Variants in HACD3 observed in about 807,000 individuals in gnomAD.
The protein encoded by HACD3 is 3-hydroxyacyl-CoA dehydratase 3.
Under a neutral mutation model 55.2 loss-of-function variants are expected in HACD3, and 30 were observed. The ratio of observed to expected loss-of-function variants is 0.54; its 90% confidence interval spans 0.41 to 0.74. HACD3 has a LOEUF of 0.74. Among genes scored for constraint, HACD3 ranks in the 30% least tolerant of loss-of-function variants. The pLI, the probability that HACD3 is intolerant of heterozygous loss-of-function variation, is 0.00. For synonymous variants in HACD3, 141 were observed against 151.7 expected, an observed-to-expected ratio of 0.93 and a Z score of 0.52; for missense variants, 363 against 440.1, an observed-to-expected ratio of 0.82 and a Z score of 1.57.
At chr15:65,540,938 A>G (rs964862208) in intron 1 of HACD3, among the ~76,000 whole-genome samples, 2 of 152,180 alleles carry the variant, frequency 1.3e-5, no homozygotes, top group African/African-American at 4.8e-5. Context: ...CATTTGAGAT[A>G]TATCTGAAGA....
intron 7 of HACD3, among the ~76,000 whole-genome samples, chr15:65,568,393 C>G (rs764301786): frequency 1.3e-5 from 2 of 151,308 alleles, no homozygotes; most frequent in African/African-American, 2.4e-5. Flanking sequence ...TGGTGTTTCA[C>G]TGTCACCCAG....
chr15:65,556,564 A>G (rs991434918), intron 3 of HACD3, among the ~76,000 whole-genome samples, 175 bp from the exon 4 acceptor site: 13 of 152,130 alleles, frequency 8.5e-5, no homozygotes, highest in Admixed American at 8.5e-4. Context: ...GTATCAGTCC[A>G]TGGCCCAGGA....
At chr15:65,570,015 G>C (rs1368017045) in intron 7 of HACD3, 76 bp from the exon 8 acceptor site, 19 of 979,146 alleles carry the variant, frequency 1.9e-5, no homozygotes, top group African/African-American at 3.3e-5. Flanking sequence ...AGTGGGGTTA[G>C]ATTTCAGATA....
intron 1 of HACD3, among the ~76,000 whole-genome samples, chr15:65,533,376 C>A (rs530739619): frequency 6.6e-6 from 1 of 152,270 alleles, no homozygotes; most frequent in East Asian, 1.9e-4. Flanking sequence ...CTGAATAAAT[C>A]TTACCTGTAG....
intron 10 of HACD3, chr15:65,574,578 T>C (rs77174153): frequency 6.6e-6 from 1 of 152,364 alleles, no homozygotes; most frequent in Non-Finnish European, 1.5e-5. Context: ...GAAAGCCCAG[T>C]GGTCTTGGTC....
At chr15:65,572,993 C>T (rs2072365232) in intron 10 of HACD3, among the ~76,000 whole-genome samples, 1 of 148,304 alleles carries the variant, frequency 6.7e-6, no homozygotes, top group African/African-American at 2.5e-5. Flanking sequence ...GACTAAGAAG[C>T]TCCCACTTTT....
At chr15:65,549,139 G>A (rs2072106068) in intron 1 of HACD3, among the ~76,000 whole-genome samples, 1 of 152,190 alleles carries the variant, frequency 6.6e-6, no homozygotes, top group Non-Finnish European at 1.5e-5. Flanking sequence ...GAATAAAAAT[G>A]TCTTAAAAAC....
At chr15:65,539,560 C>T (rs1163955908) in intron 1 of HACD3, among the ~76,000 whole-genome samples, 1 of 151,996 alleles carries the variant, frequency 6.6e-6, no homozygotes, top group Admixed American at 6.6e-5. Context: ...CTAATTGGTA[C>T]AATTGATTTG....
At chr15:65,557,002 A>G (rs1377913078) in intron 4 of HACD3, 99 bp downstream of exon 4, 19 of 1,153,226 alleles carry the variant, frequency 1.6e-5, no homozygotes, top group African/African-American at 1.6e-5. Flanking sequence ...AAGAATAGCT[A>G]CAAAGTTACA....
chr15:65,549,523 C>T (rs1596209371), intron 1 of HACD3, among the ~76,000 whole-genome samples: 2 of 146,288 alleles, frequency 1.4e-5, no homozygotes, highest in South Asian at 2.2e-4. Flanking sequence ...TCGCTTGAGC[C>T]TGGGAGGTGG....
chr15:65,568,659 A>C (rs75902527), intron 7 of HACD3, among the ~76,000 whole-genome samples: 1 of 152,004 alleles, frequency 6.6e-6, no homozygotes, highest in Non-Finnish European at 1.5e-5. Flanking sequence ...GCACCCAGCC[A>C]TTATGTGTAT....
intron 5 of HACD3, among the ~76,000 whole-genome samples, chr15:65,561,797 C>T (rs894023540): frequency 6.6e-6 from 1 of 152,158 alleles, no homozygotes; most frequent in African/African-American, 2.4e-5. Context: ...GTCCCCAAGA[C>T]ACACCCCTGC....
At chr15:65,552,011 A>C (rs1367705994) in intron 2 of HACD3, 2 of 309,856 alleles carry the variant, frequency 6.5e-6, no homozygotes, top group African/African-American at 4.4e-5. Flanking sequence ...TTCTGCCGCT[A>C]TCTTGGACAA....
At chr15:65,542,797 C>T (rs1182498328) in intron 1 of HACD3, among the ~76,000 whole-genome samples, 2 of 151,944 alleles carry the variant, frequency 1.3e-5, no homozygotes, top group Non-Finnish European at 2.9e-5. Context: ...AAAAACAGGC[C>T]GGGCTTGGTG....
At chr15:65,543,144 T>C (rs536162927) in intron 1 of HACD3, among the ~76,000 whole-genome samples, 1 of 151,638 alleles carries the variant, frequency 6.6e-6, no homozygotes. Flanking sequence ...CCTAACTGTG[T>C]ATCAAATTGA....
chr15:65,549,990 T>C (rs2072116707), intron 1 of HACD3, among the ~76,000 whole-genome samples: 1 of 152,220 alleles, frequency 6.6e-6, no homozygotes, highest in East Asian at 1.9e-4. Context: ...TATGCTGATA[T>C]CACACAAAAT....
intron 2 of HACD3, among the ~76,000 whole-genome samples, chr15:65,554,297 G>A (rs1258940258): frequency 6.6e-6 from 1 of 152,134 alleles, no homozygotes; most frequent in Non-Finnish European, 1.5e-5. Flanking sequence ...TATCATCAGG[G>A]TCACAGTGGA....
At position 65,572,305 on chromosome 15, in the gene HACD3, A is replaced by C; in HGVS notation, c.951A>C (p.Pro317=). The stretch of plus-strand genomic sequence containing the variant: ...GATTCAGTTTCACATTGCCATATCC[A>C]GTGAAAATCAAAGTTAGATTTTCCT... ...TGRFSFTLPY[P]VKIKVRFSFF... The change falls in exon 10 of 11, where the codon CCA becomes CCC. Residue 317 remains proline, a synonymous_variant. Transcript: ENST00000261875. The C allele has an allele frequency of 6.2e-7, 1 of 1,613,358 alleles. No individual in the cohort carries two copies. Among genetic ancestry groups the C allele is most frequent in the South Asian group, 1.1e-5 (1 of 90,820 alleles).
At chr15:65,535,698 C>CTT (rs746107738) in intron 1 of HACD3, 650 of 414,168 alleles carry the variant, frequency 1.6e-3, no homozygotes, top group South Asian at 7.6e-3. Flanking sequence ...TTGATGTTAA[C>CTT]TTTTTTTTTT....
Sources: gnomAD v4.1 joint callset for allele counts (sites outside exome capture counted in the v4.1 genomes callset) on GRCh38, gnomAD v4.1.1 for gene constraint, MANE v1.5 for transcripts, NCBI Gene and HGNC (gene_info 2026-07-23, HGNC 2026-07-21) for gene names.